Variants in GABRR2 observed in about 807,000 individuals in gnomAD.
The protein encoded by GABRR2 is gamma-aminobutyric acid type A receptor subunit rho2, also known as gamma-aminobutyric acid receptor subunit rho-2.
GABRR2 carries 36 observed loss-of-function variants against 47.0 expected under a neutral mutation model. The ratio of observed to expected loss-of-function variants is 0.77; its 90% CI spans 0.59 to 1.01. The LOEUF (loss-of-function observed/expected upper bound fraction) is 1.01. GABRR2 is among the 50% of genes least tolerant of loss of function. The pLI is 0.00. For missense variants in GABRR2, 587 were observed against 594.6 expected, an observed-to-expected ratio of 0.99 and a Z score of 0.13; for synonymous variants, 204 against 227.5, an observed-to-expected ratio of 0.90 and a Z score of 0.93.
At chr6:89,296,946 C>T (rs1668129483) in intron 2 of GABRR2, among the ~76,000 whole-genome samples, 1 of 152,232 alleles carries the variant, frequency 6.6e-6, no homozygotes, top group African/African-American at 2.4e-5. Flanking sequence ...CCTTGGACCC[C>T]AGGCTCTTCT....
At chr6:89,313,073 C>T (rs1273732390) in intron 1 of GABRR2, among the ~76,000 whole-genome samples, 3 of 152,200 alleles carry the variant, frequency 2.0e-5, no homozygotes, top group African/African-American at 7.2e-5. Context: ...ACAGAATAGA[C>T]AGTTTTGAAC....
chr6:89,305,483 A>C (rs1297707431), intron 1 of GABRR2, among the ~76,000 whole-genome samples: 1 of 151,996 alleles, frequency 6.6e-6, no homozygotes, highest in African/African-American at 2.4e-5. Context: ...GTTCAAGGCT[A>C]GCCTGAGCAA....
chr6:89,271,193 G>A (rs375672484), intron 3 of GABRR2, among the ~76,000 whole-genome samples: 30 of 152,314 alleles, frequency 2.0e-4, no homozygotes, highest in Middle Eastern at 3.4e-3. Context: ...TGTGAGCCTT[G>A]CAGGACACCC....
intron 2 of GABRR2, among the ~76,000 whole-genome samples, chr6:89,274,682 C>T (rs780882216): frequency 4.6e-5 from 7 of 151,968 alleles, no homozygotes; most frequent in Non-Finnish European, 8.8e-5. Context: ...GCCTCAATAA[C>T]ACGGCGAAAC....
chr6:89,288,619 T>A (rs1261086622), intron 2 of GABRR2, among the ~76,000 whole-genome samples: 1 of 152,082 alleles, frequency 6.6e-6, no homozygotes, highest in Non-Finnish European at 1.5e-5. Context: ...TATGCAGGAG[T>A]AGATAACCAG....
chr6:89,284,978 T>C (rs1046786836), intron 2 of GABRR2, among the ~76,000 whole-genome samples: 8 of 152,196 alleles, frequency 5.3e-5, no homozygotes, highest in Non-Finnish European at 1.0e-4. Context: ...AAATTCCCTG[T>C]CCACAGCCGA....
At chr6:89,309,637 C>T (rs1360237205) in intron 1 of GABRR2, among the ~76,000 whole-genome samples, 1 of 152,106 alleles carries the variant, frequency 6.6e-6, no homozygotes, top group Non-Finnish European at 1.5e-5. Flanking sequence ...GCAGAAGGTA[C>T]AGAGTTTCTA....
chr6:89,309,994 T>C (rs957518533), intron 1 of GABRR2, among the ~76,000 whole-genome samples: 3 of 150,458 alleles, frequency 2.0e-5, no homozygotes, highest in Admixed American at 1.3e-4. Flanking sequence ...ATGTTACTCT[T>C]GGCCTCAAGA....
At chr6:89,266,853 C>A (rs1237201055) in intron 6 of GABRR2, among the ~76,000 whole-genome samples, 2 of 152,148 alleles carry the variant, frequency 1.3e-5, no homozygotes, top group Admixed American at 1.3e-4. Flanking sequence ...CAGGGTCTCG[C>A]TCTATTGCCC....
At chr6:89,263,847 T>G (rs1463762888) in intron 8 of GABRR2, among the ~76,000 whole-genome samples, 1 of 152,218 alleles carries the variant, frequency 6.6e-6, no homozygotes. Context: ...TCCAATTTCC[T>G]TCTGCAGCTA....
intron 2 of GABRR2, among the ~76,000 whole-genome samples, chr6:89,297,653 AAGACC>A (rs1348230633): frequency 6.6e-6 from 1 of 152,140 alleles, no homozygotes; most frequent in African/African-American, 2.4e-5. Flanking sequence ...TCAGGAGTTC[AAGACC>A]AGCCTGGCCA....
intron 6 of GABRR2, 96 bp from the exon 7 acceptor site, chr6:89,265,861 C>T (rs1773883895): frequency 1.6e-6 from 2 of 1,237,530 alleles, no homozygotes; most frequent in Non-Finnish European, 2.3e-6. Context: ...TGGCTCTCCT[C>T]AGCAACAGAA....
chr6:89,277,977 A>C (rs1774196478), intron 2 of GABRR2, among the ~76,000 whole-genome samples: 1 of 152,172 alleles, frequency 6.6e-6, no homozygotes, highest in Admixed American at 6.5e-5. Context: ...CGAGAAATGT[A>C]TGTGAATGTG....
intron 1 of GABRR2, among the ~76,000 whole-genome samples, chr6:89,310,890 G>C (rs1767669790): frequency 6.6e-6 from 1 of 152,192 alleles, no homozygotes; most frequent in African/African-American, 2.4e-5. Flanking sequence ...TAGGCAGATG[G>C]AAGAGGAAGC....
chr6:89,299,944 CA>C (rs1774638148), intron 1 of GABRR2, 79 bp from the exon 2 acceptor site: 1 of 903,764 alleles, frequency 1.1e-6, no homozygotes, highest in East Asian at 2.5e-5. Context: ...TTACTCCCTG[CA>C]AGATCTACCT....
chr6:89,296,206 T>C (rs2148174), intron 2 of GABRR2, among the ~76,000 whole-genome samples: 110,655 of 152,210 alleles, frequency 0.73, 40,511 homozygotes, highest in East Asian at 0.98. Flanking sequence ...GCAGGGAAGG[T>C]TTCTTGGCTC....
chr6:89,258,244 G>A (rs372452467), intron 8 of GABRR2, among the ~76,000 whole-genome samples: 1 of 152,204 alleles, frequency 6.6e-6, no homozygotes. Context: ...TGTGTAGCCA[G>A]AATTGAGAAT....
intron 6 of GABRR2, among the ~76,000 whole-genome samples, chr6:89,267,328 G>C (rs990280464): frequency 3.9e-5 from 6 of 152,132 alleles, no homozygotes; most frequent in African/African-American, 1.4e-4. Flanking sequence ...CACTTTGGGA[G>C]GCCGAGGTAG....
At chr6:89,284,230 C>T (rs1774298034) in intron 2 of GABRR2, among the ~76,000 whole-genome samples, 1 of 152,052 alleles carries the variant, frequency 6.6e-6, no homozygotes, top group Admixed American at 6.5e-5. Context: ...TTCTGTATCT[C>T]GATCTGCATA....
Sources: gnomAD v4.1 joint callset for allele counts (sites outside exome capture counted in the v4.1 genomes callset) on GRCh38, gnomAD v4.1.1 for gene constraint, MANE v1.5 for transcripts, NCBI Gene and HGNC (gene_info 2026-07-23, HGNC 2026-07-21) for gene names.